The following SEMA3D variants were observed in gnomAD, a reference collection of about 807,000 sequenced individuals.
SEMA3D encodes semaphorin 3D, also known as semaphorin-3D.
Under a neutral mutation model 100.1 loss-of-function variants are expected in SEMA3D, and 84 were observed. The ratio of observed to expected loss-of-function variants is 0.84; its 90% CI spans 0.70 to 1.01. The LOEUF (loss-of-function observed/expected upper bound fraction) is 1.01, where lower values mean the gene tolerates loss of function less well. Among genes scored for constraint, SEMA3D ranks in the 50% least tolerant of loss-of-function variants. The probability of loss-of-function intolerance (pLI) is 0.00; values close to 1 mark genes in which losing one functional copy is unlikely to be tolerated. For synonymous variants in SEMA3D, 312 were observed against 320.7 expected, an observed-to-expected ratio of 0.97 and a Z score of 0.29; for missense variants, 875 against 934.1, an observed-to-expected ratio of 0.94 and a Z score of 0.82.
intron 9 of SEMA3D, among the ~76,000 whole-genome samples, chr7:85,051,374 C>A (rs576010046): frequency 5.3e-5 from 8 of 151,802 alleles, no homozygotes; most frequent in African/African-American, 1.7e-4. Context: ...TTTTGATAAG[C>A]GACATTTTTG....
At chr7:85,161,014 C>T (rs765022868) in intron 1 of SEMA3D, among the ~76,000 whole-genome samples, 21 of 152,076 alleles carry the variant, frequency 1.4e-4, no homozygotes, top group South Asian at 4.1e-4. Flanking sequence ...GAATGGATAA[C>T]ATCAGTCGGA....
intron 2 of SEMA3D, chr7:85,141,960 G>T: frequency 1.0e-6 from 1 of 981,522 alleles, no homozygotes; most frequent in Non-Finnish European, 1.2e-6. Context: ...AAGAGAATAG[G>T]AAAAAGAGTT....
intron 12 of SEMA3D, chr7:85,028,996 T>A: frequency 2.6e-6 from 1 of 379,486 alleles, no homozygotes; most frequent in Non-Finnish European, 5.3e-6. Context: ...TGTTCAAGAT[T>A]TTCTGTTTTT....
chr7:85,027,061 A>G (rs1790410449), intron 12 of SEMA3D, among the ~76,000 whole-genome samples: 1 of 152,062 alleles, frequency 6.6e-6, no homozygotes, highest in South Asian at 2.1e-4. Context: ...CTTCTCCAAG[A>G]TTTACTTCTG....
At chr7:85,105,207 C>T (rs1209148551) in intron 3 of SEMA3D, among the ~76,000 whole-genome samples, 2 of 152,024 alleles carry the variant, frequency 1.3e-5, no homozygotes, top group Non-Finnish European at 2.9e-5. Context: ...AGCATTTCTC[C>T]TCTGATCTCT....
the SEMA3D span, among the ~76,000 whole-genome samples, chr7:85,221,816 AT>A: frequency 6.6e-6 from 1 of 152,052 alleles, no homozygotes; most frequent in Non-Finnish European, 1.5e-5. Context: ...TAAATGTCAA[AT>A]TCTCCTTTGA....
intron 7 of SEMA3D, among the ~76,000 whole-genome samples, chr7:85,066,207 C>T (rs1369395316): frequency 2.0e-5 from 3 of 150,906 alleles, no homozygotes; most frequent in Non-Finnish European, 4.4e-5. Context: ...TCACCAGAGA[C>T]AGAAAGGAGC....
chr7:85,042,250 C>T lies in SEMA3D; in HGVS notation c.897G>A (p.Lys299=). The change falls in exon 10 of 19, where the codon AAG becomes AAA. Residue 299 remains lysine (K), a synonymous_variant. Transcript: ENST00000284136. ...GTCTGGCCTTAAGAAAAGTCGTCCA[C>T]TTGTTTATCAGGCTGCGTTGTCCTC... is the stretch of plus-strand genomic sequence containing the variant. ...DVGGQRSLIN[K]WTTFLKARLI... The T allele has an allele frequency of 6.2e-7, 1 of 1,613,278 alleles. No homozygotes were observed. The highest frequency in any genetic ancestry group is 8.5e-7 in the Non-Finnish European group (1 of 1,179,444).
the SEMA3D span, among the ~76,000 whole-genome samples, chr7:85,250,156 C>G: frequency 5.3e-5 from 8 of 151,946 alleles, no homozygotes; most frequent in East Asian, 9.7e-4. Flanking sequence ...TGCGCTTTTC[C>G]GACAGGCTTA....
the SEMA3D span, among the ~76,000 whole-genome samples, chr7:85,220,330 C>CTTT: frequency 8.0e-3 from 1,073 of 134,916 alleles, 7 homozygotes; most frequent in Admixed American, 0.01. Context: ...TTTCAGGTTC[C>CTTT]TTTTTTTTTT....
chr7:85,206,324 T>C, the SEMA3D span, among the ~76,000 whole-genome samples: 1 of 152,130 alleles, frequency 6.6e-6, no homozygotes, highest in African/African-American at 2.4e-5. Context: ...TTACCATACA[T>C]AAAATTCTTT....
At position 85,019,960 on chromosome 7, in the gene SEMA3D, A is replaced by G. The variant is rs555653653; in HGVS notation, c.1503+273T>C. On this transcript the variant is annotated intron_variant, in intron 14 of 18. Coordinates refer to ENST00000284136, the MANE Select transcript of SEMA3D (RefSeq NM_001384900.1). ...AAAAGAGACCCCAGGCTTTCATTTAATGTGGCAATTTGTCTGACTATATGC... is the reference window on the plus strand; with the variant it reads ...AAAAGAGACCCCAGGCTTTCATTTAGTGTGGCAATTTGTCTGACTATATGC... Among the ~76,000 whole-genome samples the G allele has an allele frequency of 1.1e-4, 16 of 151,768 alleles. 1 individual carries two copies. In the South Asian group the frequency reaches 3.3e-3, roughly 31 times the overall value.
rs1790061705 is a variant in SEMA3D at position 85,015,148 on chromosome 7, C to T, written c.1614G>A (p.Gly538=). 2.5e-6 allele frequency: 4 copies of T among 1,611,780 alleles called. No individual in the cohort carries two copies. Among genetic ancestry groups the T allele is most frequent in the East Asian group, 2.2e-5 (1 of 44,782 alleles). ...QLSLHRCDTY[G]KACADCCLAR... is the part of the protein sequence containing the mutation. ...CAAGACAACAGTCTGCGCAAGCTTT[C>T]CCATAAGTGTCGCATCTGTGCAAGG... Residue 538 remains glycine, a synonymous_variant, in exon 16 of 19, where the codon GGG becomes GGA. Coordinates refer to ENST00000284136, the MANE Select transcript of SEMA3D (RefSeq NM_001384900.1).
chr7:85,197,156 C>G, the SEMA3D span, among the ~76,000 whole-genome samples: 1 of 152,072 alleles, frequency 6.6e-6, no homozygotes, highest in Non-Finnish European at 1.5e-5. Flanking sequence ...CAAAGCTGTC[C>G]TTTGTGGGGG....
intron 18 of SEMA3D, among the ~76,000 whole-genome samples, chr7:85,006,175 A>AT (rs1789790923): frequency 6.6e-6 from 1 of 151,950 alleles, no homozygotes; most frequent in Non-Finnish European, 1.5e-5. Context: ...TCTCATATGC[A>AT]TTTTGCACTT....
intron 1 of SEMA3D, chr7:85,163,157 T>A (rs754122996): frequency 6.1e-6 from 1 of 164,912 alleles, no homozygotes; most frequent in Non-Finnish European, 1.3e-5. Context: ...AGTGAGCCAA[T>A]GCTTGTGCAG....
intron 3 of SEMA3D, among the ~76,000 whole-genome samples, chr7:85,115,989 T>C (rs1166085868): frequency 1.3e-5 from 2 of 152,080 alleles, no homozygotes; most frequent in Non-Finnish European, 2.9e-5. Flanking sequence ...CAGTGTTTCA[T>C]GTTTTTAGCT....
chr7:85,216,721 T>C, the SEMA3D span, among the ~76,000 whole-genome samples: 1 of 151,968 alleles, frequency 6.6e-6, no homozygotes. Context: ...AATGGAGTAG[T>C]GTTAATTAAT....
the SEMA3D span, among the ~76,000 whole-genome samples, chr7:85,195,473 G>C: frequency 6.6e-6 from 1 of 151,660 alleles, no homozygotes; most frequent in African/African-American, 2.4e-5. Flanking sequence ...CCCAGAATCT[G>C]AGTCGCTCTC....
Sources: allele counts gnomAD v4.1 joint callset (sites outside exome capture counted in the v4.1 genomes callset), GRCh38; gene constraint gnomAD v4.1.1; transcripts MANE v1.5; gene names NCBI Gene and HGNC (gene_info 2026-07-23, HGNC 2026-07-21).